The following VGLL4 variants were observed in gnomAD, a reference collection of about 807,000 sequenced individuals.
The protein encoded by VGLL4 is vestigial like family member 4.
VGLL4 carries 7 observed loss-of-function variants against 21.0 expected under a neutral mutation model. The ratio of observed to expected loss-of-function variants is 0.33; its 90% CI spans 0.19 to 0.63. The LOEUF is 0.63. Among genes scored for constraint, VGLL4 ranks in the 20% least tolerant of loss-of-function variants. The pLI is 0.78. For missense variants in VGLL4, 394 were observed against 425.7 expected (o/e 0.93, Z 0.66); for synonymous variants, 222 against 173.2 (o/e 1.28, Z -2.21).
intron 2 of VGLL4, among the ~76,000 whole-genome samples, chr3:11,597,461 T>C (rs9831604): frequency 0.81 from 123,104 of 151,942 alleles, 50,252 homozygotes; most frequent in Non-Finnish European, 0.86. Flanking sequence ...AATGGATAAA[T>C]GCAGAAATTG....
At chr3:11,676,981 T>C (rs1409285796) in intron 2 of VGLL4, among the ~76,000 whole-genome samples, 1 of 152,200 alleles carries the variant, frequency 6.6e-6, no homozygotes, top group Non-Finnish European at 1.5e-5. Flanking sequence ...AATTCTACCA[T>C]TAAGAGATAA....
chr3:11,573,337 AAGAAAGAAAGAAAGAAAGAAAG>A (rs2073920423), intron 2 of VGLL4, among the ~76,000 whole-genome samples: 1 of 83,804 alleles, frequency 1.2e-5, no homozygotes, highest in African/African-American at 4.2e-5. Flanking sequence ...GAAAGAAAGA[AAGAAAGAAAGAAAGAAAGAAAG>A]AAAGAAAGAA....
chr3:11,639,647 C>T (rs1167598221), intron 1 of VGLL4, among the ~76,000 whole-genome samples: 2 of 152,138 alleles, frequency 1.3e-5, no homozygotes, highest in Non-Finnish European at 2.9e-5. Context: ...CCAAGGCGGG[C>T]GGATTACCTG....
At chr3:11,570,685 T>C (rs192988445) in intron 2 of VGLL4, among the ~76,000 whole-genome samples, 34 of 152,326 alleles carry the variant, frequency 2.2e-4, no homozygotes, top group Non-Finnish European at 3.8e-4. Context: ...GCAAAGACTT[T>C]TTTCTGAAAA....
chr3:11,720,009 A>C (rs1043642818), intron 1 of VGLL4, among the ~76,000 whole-genome samples: 1 of 152,038 alleles, frequency 6.6e-6, no homozygotes, highest in Non-Finnish European at 1.5e-5. Context: ...TACAAACACA[A>C]ACGCACATTT....
At position 11,564,095 on chromosome 3, in the gene VGLL4, G is replaced by A. The variant is rs776205736; in HGVS notation, c.495+702C>T. On this transcript the variant is annotated intron_variant, in intron 3 of 4. Transcript: ENST00000430365. ...CTGACTAAGGACCTATTAGGTCGCA[G>A]TCCCTGGAGATTCGGAGAGCTCAAG... Among the ~76,000 whole-genome samples, 49 of 152,342 alleles carry A rather than the reference G, an allele frequency of 3.2e-4. 2 individuals carry two copies. The Middle Eastern group carries it at 0.02, about 63-fold the overall frequency.
intron 3 of VGLL4, among the ~76,000 whole-genome samples, chr3:11,563,357 G>C (rs1421136469): frequency 6.6e-6 from 1 of 152,226 alleles, no homozygotes. Flanking sequence ...AATGCCTGTT[G>C]AGCTTCCCAA....
chr3:11,655,224 T>C (rs552310972), intron 2 of VGLL4, among the ~76,000 whole-genome samples: 1 of 152,326 alleles, frequency 6.6e-6, no homozygotes, highest in Admixed American at 6.5e-5. Flanking sequence ...CTTAGCAGTA[T>C]CGTTTGAAAA....
rs1385753534 is a variant in VGLL4 at position 11,558,818 on chromosome 3, G to A, written c.629C>T (p.Thr210Ile). 6.2e-7 allele frequency: 1 copy of A among 1,610,842 alleles called. No individual in the cohort carries two copies. The highest frequency in any genetic ancestry group is 8.5e-7 in the Non-Finnish European group (1 of 1,177,728). The change falls in exon 5 of 5, where the codon ACC becomes ATC. Residue 210 changes from threonine (T) to isoleucine (I), a missense_variant. By Grantham distance (89) the Thr-to-Ile change is moderately conservative. Coordinates refer to ENST00000430365, the MANE Select transcript of VGLL4 (RefSeq NM_001128219.3). The part of the protein sequence containing the change: ...SYRRPPSAAT[T>I]CDPVVEEHFR... ...ATGCTCCTCCACCACGGGGTCACAGGTGGTGGCAGCTGCAGGCAAGCAGGA... is the reference window on the plus strand; with the variant it reads ...ATGCTCCTCCACCACGGGGTCACAGATGGTGGCAGCTGCAGGCAAGCAGGA...
At chr3:11,593,433 T>C (rs981572139) in intron 2 of VGLL4, among the ~76,000 whole-genome samples, 1 of 152,206 alleles carries the variant, frequency 6.6e-6, no homozygotes, top group African/African-American at 2.4e-5. Context: ...ACTGAGTTCC[T>C]ATTATATGCC....
chr3:11,608,647 C>A (rs940402523), intron 1 of VGLL4, among the ~76,000 whole-genome samples: 1 of 152,148 alleles, frequency 6.6e-6, no homozygotes, highest in African/African-American at 2.4e-5. Flanking sequence ...CAGGGAGGAA[C>A]CGTGGAAAAT....
chr3:11,700,953 C>G (rs973009844), intron 2 of VGLL4, among the ~76,000 whole-genome samples: 1 of 152,046 alleles, frequency 6.6e-6, no homozygotes, highest in Admixed American at 6.6e-5. Context: ...CAATCAAAAG[C>G]TAAGTAAGTG....
rs193262164 is a variant in VGLL4 at position 11,631,798 on chromosome 3, A to G, written c.82+11639T>C. Among the ~76,000 whole-genome samples, 445 of 152,326 alleles carry G rather than the reference A, an allele frequency of 2.9e-3. 4 individuals carry two copies. Among genetic ancestry groups the G allele is most frequent in the Middle Eastern group, 6.8e-3 (2 of 294 alleles). On this transcript the variant is annotated intron_variant, in intron 1 of 4. Coordinates refer to ENST00000430365, the MANE Select transcript of VGLL4 (RefSeq NM_001128219.3). ...AATTATGCCTCAATAAAAATAAAGG[A>G]AGAAAGAAAACAGAACAAGTGGAAA...
At chr3:11,579,842 T>G (rs1435753081) in intron 2 of VGLL4, among the ~76,000 whole-genome samples, 1 of 152,042 alleles carries the variant, frequency 6.6e-6, no homozygotes, top group Non-Finnish European at 1.5e-5. Flanking sequence ...GCATCACATC[T>G]GTCGATTATT....
At chr3:11,658,942 A>T (rs1286896098) in intron 2 of VGLL4, among the ~76,000 whole-genome samples, 1 of 152,156 alleles carries the variant, frequency 6.6e-6, no homozygotes, top group Non-Finnish European at 1.5e-5. Flanking sequence ...CAACATAGGT[A>T]CCTAACACCA....
chr3:11,561,948 G>A (rs1337502230), intron 3 of VGLL4, among the ~76,000 whole-genome samples: 2 of 143,328 alleles, frequency 1.4e-5, no homozygotes, highest in Non-Finnish European at 1.5e-5. Context: ...CGTCCAGGCT[G>A]GAGTGCAGTG....
rs564636177 is a variant in VGLL4, at chr3:11,712,055, A to G, written c.-14+8339T>C. Reference sequence around the variant, plus strand: ...CCTGTTAACATCCCATTCTCAAACCACCCCTCTCTGCTCTTCTTGCTAAAA... The same window carrying G: ...CCTGTTAACATCCCATTCTCAAACCGCCCCTCTCTGCTCTTCTTGCTAAAA... On this transcript the variant is annotated intron_variant, in intron 1 of 5. Coordinates refer to the VGLL4 transcript ENST00000273038. Among the ~76,000 whole-genome samples, 11 of 151,776 alleles carry G rather than the reference A, an allele frequency of 7.2e-5. 1 individual carries two copies. In the South Asian group the frequency reaches 2.3e-3, roughly 32 times the overall value.
In VGLL4 at chr3:11,558,464, C is replaced by A; in HGVS notation, c.*92G>T. The A allele has an allele frequency of 2.5e-6, 3 of 1,203,050 alleles. No homozygotes were observed. The highest frequency in any genetic ancestry group is 3.4e-6 in the Non-Finnish European group (3 of 887,484). 74.5% of individuals were successfully genotyped at this position (1,203,050 alleles called of 1,614,324 possible). A position where few individuals can be genotyped will look rare whatever the true frequency, so the allele number is the denominator to read the frequency against. ...AACCATCCCTTCCCTTCCCCCCACC[C>A]CACCCCCATGATTTTTTTTTTTTTA... On this transcript the variant is annotated 3_prime_UTR_variant, in exon 5 of 5. Transcript: ENST00000430365.
At chr3:11,705,207 G>A (rs574673841) in intron 1 of VGLL4, among the ~76,000 whole-genome samples, 42 of 152,330 alleles carry the variant, frequency 2.8e-4, no homozygotes, top group African/African-American at 4.6e-4. Context: ...TATCCTGGCC[G>A]CACCACGTGG....
Sources: allele counts gnomAD v4.1 joint callset (sites outside exome capture counted in the v4.1 genomes callset), GRCh38; gene constraint gnomAD v4.1.1; transcripts MANE v1.5; gene names NCBI Gene and HGNC (gene_info 2026-07-23, HGNC 2026-07-21).